Variants in CCDC57 observed in about 807,000 individuals in gnomAD.
CCDC57 encodes coiled-coil domain containing 57.
A neutral mutation model predicts 118.9 loss-of-function variants in CCDC57; 118 were observed. The observed-to-expected ratio is 0.99, with a 90% CI of 0.86 to 1.16. The LOEUF is 1.16. CCDC57 is among the 50% of genes most tolerant of loss of function. The pLI is 0.00. For synonymous variants in CCDC57, 527 were observed against 532.9 expected, an observed-to-expected ratio of 0.99 and a Z score of 0.15; for missense variants, 1,300 against 1,320.7, an observed-to-expected ratio of 0.98 and a Z score of 0.24.
chr17:82,198,714 G>A (rs1163531425), intron 3 of CCDC57, among the ~76,000 whole-genome samples: 1 of 151,990 alleles, frequency 6.6e-6, no homozygotes, highest in Admixed American at 6.6e-5. Context: ...GATCTGACCA[G>A]GCCCAGTGGC....
intron 16 of CCDC57, among the ~76,000 whole-genome samples, chr17:82,148,885 T>G (rs1598917935): frequency 1.6e-5 from 1 of 64,298 alleles, no homozygotes; most frequent in Non-Finnish European, 2.8e-5. Context: ...GATAAGTGGT[T>G]GGATGGTTGG....
intron 7 of CCDC57, among the ~76,000 whole-genome samples, chr17:82,193,534 GACCCTGTCAAAAAAAAA>G (rs1448599185): frequency 1.3e-5 from 2 of 149,950 alleles, no homozygotes; most frequent in Non-Finnish European, 3.0e-5. Flanking sequence ...CACAGAGCAA[GACCCTGTCAAAAAAAAA>G]AAAGCAAGCA....
exon 19 of CCDC57, chr17:82,127,904 T>C: frequency 6.2e-7 from 1 of 1,612,318 alleles, no homozygotes; most frequent in Non-Finnish European, 8.5e-7. Context: ...GATGCTGTGT[T>C]GTGTCTAGAA....
intron 1 of CCDC57, among the ~76,000 whole-genome samples, chr17:82,208,251 A>C (rs771107152): frequency 6.6e-6 from 1 of 151,738 alleles, no homozygotes; most frequent in Non-Finnish European, 1.5e-5. Flanking sequence ...AATATATTTA[A>C]TACCCTTAAC....
chr17:82,178,062 G>A (rs1458588045), intron 11 of CCDC57, among the ~76,000 whole-genome samples: 1 of 152,198 alleles, frequency 6.6e-6, no homozygotes, highest in Non-Finnish European at 1.5e-5. Context: ...AATGAGTGGA[G>A]GGATTTCAAG....
intron 19 of CCDC57, among the ~76,000 whole-genome samples, chr17:82,105,490 C>T (rs1199348499): frequency 6.6e-6 from 1 of 152,156 alleles, no homozygotes; most frequent in Non-Finnish European, 1.5e-5. Flanking sequence ...CCCGAATCTC[C>T]AGAAGCTGCG....
At chr17:82,107,788 G>A (rs2034968833) in intron 19 of CCDC57, among the ~76,000 whole-genome samples, 2 of 152,202 alleles carry the variant, frequency 1.3e-5, no homozygotes, top group Non-Finnish European at 2.9e-5. Context: ...ATGGGACTCT[G>A]GGAGGGAACA....
intron 14 of CCDC57, among the ~76,000 whole-genome samples, chr17:82,159,001 G>A (rs968296259): frequency 6.6e-6 from 1 of 152,150 alleles, no homozygotes; most frequent in Non-Finnish European, 1.5e-5. Flanking sequence ...CTGAGTAGCT[G>A]GGACTACAGA....
intron 16 of CCDC57, among the ~76,000 whole-genome samples, chr17:82,137,102 C>T (rs974250539): frequency 2.1e-4 from 31 of 150,118 alleles, no homozygotes; most frequent in African/African-American, 7.1e-4. Context: ...ACTGCAACCT[C>T]CACTTCCCAG....
chr17:82,177,697 A>C (rs1256305277), intron 11 of CCDC57, among the ~76,000 whole-genome samples: 1 of 152,196 alleles, frequency 6.6e-6, no homozygotes, highest in Non-Finnish European at 1.5e-5. Context: ...GAGAATGCGC[A>C]CCAGTGGCTG....
chr17:82,118,971 A>C lies in CCDC57; in HGVS notation c.2899+8721T>G, dbSNP rs1189968299. Reference sequence around the variant, plus strand: ...GTAGTGTGTGGTCCCCGTGAGAGGAAGCGGAGATCAGAGTAAGCTGTGTTC... The same window carrying C: ...GTAGTGTGTGGTCCCCGTGAGAGGACGCGGAGATCAGAGTAAGCTGTGTTC... On this transcript the variant is annotated intron_variant, in intron 19 of 19. Coordinates refer to ENST00000665763, the Ensembl canonical transcript of CCDC57. This position sits in a 1 kb window ranked among gnomAD's most constrained non-coding sequence, Gnocchi z 4.7. Among the ~76,000 whole-genome samples the C allele has an allele frequency of 6.6e-6, 1 of 151,132 alleles. No individual in the cohort carries two copies. Among genetic ancestry groups the C allele is most frequent in the Non-Finnish European group, 1.5e-5 (1 of 67,818 alleles).
At chr17:82,164,426 G>A (rs1285804037) in intron 13 of CCDC57, among the ~76,000 whole-genome samples, 1 of 152,002 alleles carries the variant, frequency 6.6e-6, no homozygotes, top group South Asian at 2.1e-4. Flanking sequence ...AATAAAGTAG[G>A]AGGAAGAAAA....
At chr17:82,139,885 G>A (rs935020337) in intron 16 of CCDC57, among the ~76,000 whole-genome samples, 19 of 152,152 alleles carry the variant, frequency 1.2e-4, no homozygotes, top group Admixed American at 1.2e-3. Flanking sequence ...GAACAAGAAC[G>A]GACCTCACAG....
At chr17:82,183,611 C>T (rs1469584244) in intron 9 of CCDC57, among the ~76,000 whole-genome samples, 163 bp downstream of exon 8, 1 of 152,180 alleles carries the variant, frequency 6.6e-6, no homozygotes, top group East Asian at 1.9e-4. Context: ...TCCCACACCA[C>T]CCCTGCGTGA....
At chr17:82,150,171 G>GCGCACACCCAGAACC (rs1491372587) in intron 16 of CCDC57, among the ~76,000 whole-genome samples, 1,641 of 140,112 alleles carry the variant, frequency 0.012, 729 homozygotes, top group East Asian at 0.037. Flanking sequence ...CCAGAACCAG[G>GCGCACACCCAGAACC]TGCACACCCA....
At chr17:82,175,024 C>G (rs752810086) in intron 11 of CCDC57, among the ~76,000 whole-genome samples, 6 of 152,158 alleles carry the variant, frequency 3.9e-5, no homozygotes, top group Admixed American at 1.3e-4. Flanking sequence ...ACCGCAGTGC[C>G]GTGATCACAA....
intron 19 of CCDC57, among the ~76,000 whole-genome samples, chr17:82,123,090 GCA>G (rs1289474973): frequency 8.7e-5 from 13 of 148,678 alleles, no homozygotes; most frequent in African/African-American, 3.0e-4. Context: ...GCGTTCCACT[GCA>G]CAGTTTAACC....
chr17:82,137,777 G>A (rs1246128783), intron 16 of CCDC57, among the ~76,000 whole-genome samples: 3 of 150,866 alleles, frequency 2.0e-5, no homozygotes, highest in South Asian at 2.1e-4. Flanking sequence ...TGGTTCAAGC[G>A]GTTCTCCTTC....
chr17:82,136,270 T>G (rs1038606394), intron 16 of CCDC57, among the ~76,000 whole-genome samples: 5 of 152,106 alleles, frequency 3.3e-5, no homozygotes, highest in Non-Finnish European at 5.9e-5. Flanking sequence ...AGGAATTAAG[T>G]GCAGACGCCC....
Sources: gnomAD v4.1 joint callset for allele counts (sites outside exome capture counted in the v4.1 genomes callset) on GRCh38, gnomAD v4.1.1 for gene constraint, Gnocchi (gnomAD v3.1) non-coding constraint, MANE v1.5 for transcripts, NCBI Gene and HGNC (gene_info 2026-07-23, HGNC 2026-07-21) for gene names.